ADAMTSL1: variants seen among roughly 807,000 people sequenced by gnomAD.
The protein encoded by ADAMTSL1 is ADAMTS-like protein 1.
Under a neutral mutation model 201.8 loss-of-function variants are expected in ADAMTSL1, and 126 were observed. The ratio of observed to expected loss-of-function variants is 0.62; its 90% CI spans 0.54 to 0.72. The LOEUF (loss-of-function observed/expected upper bound fraction) is 0.72, where lower values mean the gene tolerates loss of function less well. Among genes scored for constraint, ADAMTSL1 ranks in the 30% least tolerant of loss-of-function variants. ADAMTSL1 has a pLI of 0.00. For missense variants in ADAMTSL1, 2,679 were observed against 2,277.8 expected (o/e 1.18, Z -3.59); for synonymous variants, 1,121 against 903.4 (o/e 1.24, Z -4.32).
intron 13 of ADAMTSL1, chr9:18,706,525 T>C: frequency 1.9e-6 from 1 of 515,088 alleles, no homozygotes; most frequent in Non-Finnish European, 3.4e-6. Context: ...GTCTTGCAGC[T>C]GGGAGTTCAT....
intron 1 of ADAMTSL1, among the ~76,000 whole-genome samples, chr9:18,033,270 T>G (rs1162076319): frequency 6.6e-6 from 1 of 152,186 alleles, no homozygotes; most frequent in Non-Finnish European, 1.5e-5. Context: ...TCCAAAGAAA[T>G]AAGTCTGTCA....
intron 13 of ADAMTSL1, among the ~76,000 whole-genome samples, chr9:18,702,806 A>G (rs1455446105): frequency 6.6e-6 from 1 of 151,652 alleles, no homozygotes; most frequent in Non-Finnish European, 1.5e-5. Context: ...TCTGTCACCC[A>G]GGCTGGAGTG....
chr9:18,666,738 A>T (rs1480993624), intron 9 of ADAMTSL1, among the ~76,000 whole-genome samples: 2 of 152,168 alleles, frequency 1.3e-5, no homozygotes, highest in African/African-American at 4.8e-5. Context: ...GCCTCAAAGT[A>T]TAAGCCTGTG....
chr9:18,688,689 AATATATAT>A (rs1554730405), intron 13 of ADAMTSL1, among the ~76,000 whole-genome samples: 120 of 8,648 alleles, frequency 0.014, 8 homozygotes, highest in Non-Finnish European at 0.02. Flanking sequence ...AAAAAAAAAA[AATATATAT>A]ATATATATAT....
chr9:18,079,044 G>C (rs1021236694), intron 1 of ADAMTSL1, among the ~76,000 whole-genome samples: 1 of 152,172 alleles, frequency 6.6e-6, no homozygotes, highest in Non-Finnish European at 1.5e-5. Context: ...ATCCAGAGGT[G>C]TGCTGTACTG....
intron 2 of ADAMTSL1, among the ~76,000 whole-genome samples, chr9:18,225,975 G>T (rs554495878): frequency 6.6e-6 from 1 of 151,840 alleles, no homozygotes; most frequent in South Asian, 2.1e-4. Context: ...GGTGGGTGCT[G>T]GTTTCATAGT....
intron 2 of ADAMTSL1, among the ~76,000 whole-genome samples, chr9:18,291,178 G>C (rs955104400): frequency 6.6e-6 from 1 of 152,148 alleles, no homozygotes; most frequent in South Asian, 2.1e-4. Context: ...GAGAGGAAGA[G>C]GGCTCAGAAT....
rs560976513 is a variant in ADAMTSL1 at position 18,626,862 on chromosome 9, T to A, written c.601+4493T>A. 2.3e-4 allele frequency among the ~76,000 whole-genome samples: 30 copies of A among 132,608 alleles called. 1 individual carries two copies. The highest frequency in any genetic ancestry group is 2.1e-4 in the East Asian group (1 of 4,662). The allele number at this position is 132,608 out of a possible 152,430, so 87.0% of individuals were successfully genotyped here. A position where few individuals can be genotyped will look rare whatever the true frequency, so the allele number is the denominator to read the frequency against. On this transcript the variant is annotated intron_variant, in intron 5 of 28. Coordinates refer to ENST00000380548, the MANE Select transcript of ADAMTSL1 (RefSeq NM_001040272.6). ...CTTTTTCTTTCTTTCTTTCTTTCTT[T>A]CTTTCTGTCTTTCTTCCTTCCTTCC...
intron 2 of ADAMTSL1, among the ~76,000 whole-genome samples, chr9:18,310,065 T>A (rs1014949368): frequency 6.6e-6 from 1 of 152,100 alleles, no homozygotes; most frequent in Non-Finnish European, 1.5e-5. Flanking sequence ...TTAACAAACC[T>A]GACAAATACA....
chr9:18,314,655 G>A (rs1415473616), intron 2 of ADAMTSL1, among the ~76,000 whole-genome samples: 1 of 151,960 alleles, frequency 6.6e-6, no homozygotes, highest in Non-Finnish European at 1.5e-5. Context: ...GAGTGTTACA[G>A]CTCATAAAGG....
At chr9:17,961,410 G>T (rs2131399213) in intron 1 of ADAMTSL1, among the ~76,000 whole-genome samples, 1 of 152,026 alleles carries the variant, frequency 6.6e-6, no homozygotes, top group Middle Eastern at 3.4e-3. Context: ...CACCATACCT[G>T]GCTAATTTCG....
chr9:18,145,095 T>A (rs2132021557), intron 1 of ADAMTSL1, among the ~76,000 whole-genome samples: 1 of 152,326 alleles, frequency 6.6e-6, no homozygotes, highest in East Asian at 1.9e-4. Context: ...TATTTAGGTA[T>A]AACCTGATCA....
At chr9:18,442,136 T>C (rs1820019133) in intron 2 of ADAMTSL1, among the ~76,000 whole-genome samples, 1 of 152,214 alleles carries the variant, frequency 6.6e-6, no homozygotes, top group Admixed American at 6.5e-5. Context: ...ATTCAAAATA[T>C]CTTCTGAAGA....
chr9:18,589,431 T>C (rs957168498), intron 4 of ADAMTSL1, among the ~76,000 whole-genome samples: 8 of 152,210 alleles, frequency 5.3e-5, no homozygotes, highest in Non-Finnish European at 2.9e-5. Flanking sequence ...TTTTGCATCC[T>C]GTGATTTTAT....
intron 23 of ADAMTSL1, among the ~76,000 whole-genome samples, chr9:18,833,046 C>G (rs1158841107): frequency 1.3e-5 from 2 of 152,196 alleles, no homozygotes; most frequent in Admixed American, 6.5e-5. Context: ...AGTTATCGGA[C>G]ACCCTGGTAT....
At chr9:18,332,461 T>C (rs1161451135) in intron 2 of ADAMTSL1, among the ~76,000 whole-genome samples, 1 of 128,612 alleles carries the variant, frequency 7.8e-6, no homozygotes, top group Non-Finnish European at 1.9e-5. Context: ...GTTTTCCTCC[T>C]TTTTTTAGAG....
intron 2 of ADAMTSL1, among the ~76,000 whole-genome samples, chr9:18,193,130 T>A (rs913483256): frequency 2.6e-5 from 4 of 152,100 alleles, no homozygotes; most frequent in African/African-American, 4.8e-5. Flanking sequence ...CTGCTCTTGT[T>A]TGGGTTTCCC....
intron 2 of ADAMTSL1, among the ~76,000 whole-genome samples, chr9:18,309,883 AT>A (rs1237216619): frequency 6.6e-6 from 1 of 152,146 alleles, no homozygotes; most frequent in East Asian, 1.9e-4. Flanking sequence ...TAGCCAAGAC[AT>A]TCCTAAGCAA....
intron 1 of ADAMTSL1, among the ~76,000 whole-genome samples, chr9:18,125,218 G>A (rs566107279): frequency 4.6e-5 from 7 of 152,208 alleles, no homozygotes; most frequent in Admixed American, 6.5e-5. Context: ...TTACACGGAT[G>A]GCAGCAGGGA....
Sources: gnomAD v4.1 joint callset for allele counts (sites outside exome capture counted in the v4.1 genomes callset) on GRCh38, gnomAD v4.1.1 for gene constraint, MANE v1.5 for transcripts, NCBI Gene and HGNC (gene_info 2026-07-23, HGNC 2026-07-21) for gene names.